Variants in EYA1 observed in about 807,000 individuals in gnomAD.
EYA1 encodes the protein EYA transcriptional coactivator and phosphatase 1, also known as protein phosphatase EYA1.
EYA1 carries 16 observed loss-of-function variants against 82.0 expected under a neutral mutation model. The observed-to-expected ratio is 0.20, with a 90% CI of 0.13 to 0.30. The LOEUF (loss-of-function observed/expected upper bound fraction) is 0.30. EYA1 is among the 10% of genes least tolerant of loss of function. The probability of loss-of-function intolerance (pLI) is 1.00; values close to 1 mark genes in which losing one functional copy is unlikely to be tolerated. For missense variants in EYA1, 633 were observed against 730.7 expected (o/e 0.87, Z 1.54); for synonymous variants, 261 against 264.4 (o/e 0.99, Z 0.12).
chr8:71,437,416 C>G (rs1439009584), intron 2 of EYA1, among the ~76,000 whole-genome samples: 1 of 151,934 alleles, frequency 6.6e-6, no homozygotes, highest in African/African-American at 2.4e-5. Context: ...ACCCAAAGAT[C>G]AGCCTCTATG....
At chr8:71,268,153 G>A (rs902393124) in intron 11 of EYA1, among the ~76,000 whole-genome samples, 1 of 151,986 alleles carries the variant, frequency 6.6e-6, no homozygotes, top group African/African-American at 2.4e-5. Context: ...TCTTTCATTG[G>A]CTAATAGAAT....
chr8:71,466,399 T>C (rs1205057814), intron 2 of EYA1, among the ~76,000 whole-genome samples: 1 of 152,170 alleles, frequency 6.6e-6, no homozygotes, highest in Non-Finnish European at 1.5e-5. Context: ...TTCACAGTAG[T>C]AGTAGAAGAG....
rs1470108102 is a variant in EYA1 at position 71,361,779 on chromosome 8, CGCG to C, written c.-190_-188del. ...GGGCTCTCAGGCGCTCTGGTGCAGCCGCGGCGCTTCTGGGAGTGGAGCGCCTCT... is the reference window on the plus strand; with the variant it reads ...GGGCTCTCAGGCGCTCTGGTGCAGCCGCGCTTCTGGGAGTGGAGCGCCTCT... On this transcript the variant is annotated 5_prime_UTR_variant, in exon 1 of 18. Transcript: ENST00000340726. 1 of 985,454 alleles carries C rather than the reference CGCG, an allele frequency of 1.0e-6. No homozygotes were observed. Among genetic ancestry groups the C allele is most frequent in the Non-Finnish European group, 1.2e-6 (1 of 829,946 alleles). 61.0% of individuals were successfully genotyped at this position (985,454 alleles called of 1,614,324 possible). A position where few individuals can be genotyped will look rare whatever the true frequency, so the allele number is the denominator to read the frequency against.
At chr8:71,231,664 C>T (rs1811212640) in intron 12 of EYA1, among the ~76,000 whole-genome samples, 1 of 152,220 alleles carries the variant, frequency 6.6e-6, no homozygotes, top group African/African-American at 2.4e-5. Context: ...CATATTTTAT[C>T]CTCAGTGCCT....
intron 2 of EYA1, among the ~76,000 whole-genome samples, chr8:71,369,655 CAG>C (rs1345762638): frequency 6.6e-6 from 1 of 152,184 alleles, no homozygotes; most frequent in African/African-American, 2.4e-5. Flanking sequence ...AGTGCTCAAA[CAG>C]GGCATAGTTT....
intron 11 of EYA1, 21 bp downstream of exon 11, chr8:71,269,719 C>CT (rs1433273133): frequency 6.3e-7 from 1 of 1,583,710 alleles, no homozygotes; most frequent in East Asian, 2.2e-5. Flanking sequence ...AAATTAAAAA[C>CT]TGATGCCTCT....
chr8:71,535,382 A>G (rs756419032), intron 2 of EYA1, among the ~76,000 whole-genome samples: 1 of 152,246 alleles, frequency 6.6e-6, no homozygotes. Flanking sequence ...TACATGTAAA[A>G]GAATCCAAAA....
At chr8:71,453,155 G>A (rs1343499025) in intron 2 of EYA1, among the ~76,000 whole-genome samples, 2 of 152,194 alleles carry the variant, frequency 1.3e-5, no homozygotes, top group Non-Finnish European at 2.9e-5. Context: ...CCATCAACTG[G>A]AAGAAAGGGT....
In EYA1 at chr8:71,380,509, T is replaced by A. The variant is rs552523941; in HGVS notation, c.34-23998A>T. On this transcript the variant is annotated intron_variant, in intron 2 of 18. Coordinates refer to the EYA1 transcript ENST00000643681. ...AGCCTGCAGCCCTGCCCCTGCGGCATGTCTATGCTTTCTTCTTCTAGTCAT... is the reference window on the plus strand; with the variant it reads ...AGCCTGCAGCCCTGCCCCTGCGGCAAGTCTATGCTTTCTTCTTCTAGTCAT... Among the ~76,000 whole-genome samples, 5 of 152,278 alleles carry A rather than the reference T, an allele frequency of 3.3e-5. No homozygotes were observed. The South Asian group carries it at 1.0e-3, about 32-fold the overall frequency.
At chr8:71,451,402 C>A (rs768266099) in intron 2 of EYA1, among the ~76,000 whole-genome samples, 1 of 152,084 alleles carries the variant, frequency 6.6e-6, no homozygotes, top group African/African-American at 2.4e-5. Context: ...AAATATCATA[C>A]AGTAAATAAA....
At chr8:71,282,411 C>A (rs1355832117) in intron 9 of EYA1, among the ~76,000 whole-genome samples, 1 of 152,228 alleles carries the variant, frequency 6.6e-6, no homozygotes, top group Non-Finnish European at 1.5e-5. Context: ...ATCCCATTTT[C>A]TCTTGAACCC....
chr8:71,239,342 A>G (rs1318509195), intron 12 of EYA1, among the ~76,000 whole-genome samples: 1 of 152,214 alleles, frequency 6.6e-6, no homozygotes, highest in Non-Finnish European at 1.5e-5. Context: ...AAAACACAGG[A>G]AGGCAAAGTC....
At chr8:71,329,338 T>C (rs1342106368) in intron 4 of EYA1, among the ~76,000 whole-genome samples, 1 of 152,204 alleles carries the variant, frequency 6.6e-6, no homozygotes, top group Non-Finnish European at 1.5e-5. Context: ...TCAATTTTCT[T>C]AATTTCATAT....
At chr8:71,396,447 C>T (rs1345537854) in intron 2 of EYA1, among the ~76,000 whole-genome samples, 5 of 152,208 alleles carry the variant, frequency 3.3e-5, no homozygotes, top group Admixed American at 6.5e-5. Context: ...AAATTTCCCT[C>T]TACACACTGC....
chr8:71,237,332 G>A (rs115056921), intron 12 of EYA1, among the ~76,000 whole-genome samples: 54 of 152,206 alleles, frequency 3.5e-4, no homozygotes, highest in African/African-American at 1.2e-3. Flanking sequence ...AACATTTTTC[G>A]TCTGTAGCTT....
At chr8:71,326,541 C>T (rs1210801423) in intron 4 of EYA1, among the ~76,000 whole-genome samples, 1 of 152,174 alleles carries the variant, frequency 6.6e-6, no homozygotes, top group Admixed American at 6.5e-5. Flanking sequence ...CCATCCATGC[C>T]ATGCAGGGCG....
At chr8:71,454,877 AAC>A (rs1411539024) in intron 2 of EYA1, among the ~76,000 whole-genome samples, 1 of 152,242 alleles carries the variant, frequency 6.6e-6, no homozygotes, top group Non-Finnish European at 1.5e-5. Context: ...AGCAAGAGCA[AAC>A]ACATTCAAAA....
At chr8:71,524,345 C>T (rs1015717197) in intron 2 of EYA1, among the ~76,000 whole-genome samples, 4 of 152,028 alleles carry the variant, frequency 2.6e-5, no homozygotes, top group Admixed American at 6.6e-5. Flanking sequence ...TAAAGTAAAA[C>T]GTGTACTAGG....
intron 9 of EYA1, among the ~76,000 whole-genome samples, chr8:71,273,273 A>G (rs943966292): frequency 6.6e-6 from 1 of 152,236 alleles, no homozygotes; most frequent in East Asian, 1.9e-4. Flanking sequence ...AACCACCATC[A>G]TGACCTGTAA....
Sources: gnomAD v4.1 joint callset for allele counts (sites outside exome capture counted in the v4.1 genomes callset) on GRCh38, gnomAD v4.1.1 for gene constraint, MANE v1.5 for transcripts, NCBI Gene and HGNC (gene_info 2026-07-23, HGNC 2026-07-21) for gene names.